The following ANKRD33B variants were observed in gnomAD, a reference collection of about 807,000 sequenced individuals.
The protein encoded by ANKRD33B is ankyrin repeat domain-containing protein 33B.
ANKRD33B carries 6 observed loss-of-function variants against 21.5 expected under a neutral mutation model. The observed-to-expected ratio is 0.28, with a 90% CI of 0.15 to 0.55. The LOEUF (loss-of-function observed/expected upper bound fraction) is 0.55, where lower values mean the gene tolerates loss of function less well. Ranked by LOEUF, ANKRD33B falls within the 20% of genes least tolerant of loss-of-function variation. The probability of loss-of-function intolerance (pLI) is 0.94; values close to 1 mark genes in which losing one functional copy is unlikely to be tolerated. For synonymous variants in ANKRD33B, 347 were observed against 342.4 expected (o/e 1.01, Z -0.15); for missense variants, 698 against 747.2 (o/e 0.93, Z 0.77).
intron 2 of ANKRD33B, among the ~76,000 whole-genome samples, chr5:10,622,359 T>G (rs972428215): frequency 2.0e-5 from 3 of 152,174 alleles, no homozygotes; most frequent in African/African-American, 7.2e-5. Flanking sequence ...AATCAGAAAT[T>G]AGAATACCAC....
rs1015803902 is a variant in ANKRD33B at position 10,564,719 on chromosome 5, G to A, written c.252G>A (p.Pro84=). ...SVPEGVPESV[P]ETATLLRAAC... is the part of the protein sequence containing the mutation. ...CGGAGGGCGTCCCGGAAAGCGTCCC[G>A]GAGACGGCGACCCTCCTGCGCGCCG... The change falls in exon 1 of 4, where the codon CCG becomes CCA. Residue 84 remains proline (P), a synonymous_variant. Transcript: ENST00000296657. The A allele has an allele frequency of 3.5e-5, 53 of 1,533,472 alleles. No homozygotes were observed. Among genetic ancestry groups the A allele is most frequent in the Non-Finnish European group, 4.5e-5 (52 of 1,145,868 alleles). 95.0% of individuals were successfully genotyped at this position (1,533,472 alleles called of 1,614,324 possible). A position where few individuals can be genotyped will look rare whatever the true frequency, so the allele number is the denominator to read the frequency against.
At chr5:10,582,939 C>T (rs953666975) in intron 1 of ANKRD33B, among the ~76,000 whole-genome samples, 1 of 151,300 alleles carries the variant, frequency 6.6e-6, no homozygotes, top group African/African-American at 2.4e-5. Flanking sequence ...AGTTTCTGCC[C>T]TGTGCAGTCC....
rs534346331 is a variant in ANKRD33B at position 10,643,996 on chromosome 5, G to A, written c.638-5270G>A. Among the ~76,000 whole-genome samples, 150 of 130,324 alleles carry A rather than the reference G, an allele frequency of 1.2e-3. 1 individual carries two copies. The highest frequency in any genetic ancestry group is 4.2e-3 in the African/African-American group (142 of 34,124). The allele number at this position is 130,324 out of a possible 152,430, so 85.5% of individuals were successfully genotyped here. On this transcript the variant is annotated intron_variant, in intron 3 of 3. Coordinates refer to ENST00000296657, the MANE Select transcript of ANKRD33B (RefSeq NM_001164440.2). ...TTTTATTTTCCTTTGACAGTAGATG[G>A]GTAAGAATTAAAAAAAAAAAAAAAA... is the stretch of plus-strand genomic sequence containing the variant.
At chr5:10,591,857 C>G (rs1250142518) in intron 1 of ANKRD33B, among the ~76,000 whole-genome samples, 1 of 151,814 alleles carries the variant, frequency 6.6e-6, no homozygotes, top group Non-Finnish European at 1.5e-5. Context: ...ATTGCTTTTT[C>G]ATTTTTCTTT....
chr5:10,619,381 A>G lies in ANKRD33B; in HGVS notation c.496+919A>G, dbSNP rs1736362851. 1 of 985,270 alleles carries G rather than the reference A, an allele frequency of 1.0e-6. No individual in the cohort carries two copies. The highest frequency in any genetic ancestry group is 1.7e-5 in the African/African-American group (1 of 57,232). 61.0% of individuals were successfully genotyped at this position (985,270 alleles called of 1,614,324 possible). A position where few individuals can be genotyped will look rare whatever the true frequency, so the allele number is the denominator to read the frequency against. ...GAGGAAGTGCCCCCGACCACACTGTATGTTGATTCTGGTTGGGAAATGGCT... is the reference window on the plus strand; with the variant it reads ...GAGGAAGTGCCCCCGACCACACTGTGTGTTGATTCTGGTTGGGAAATGGCT... On this transcript the variant is annotated intron_variant, in intron 2 of 3. Coordinates refer to ENST00000296657, the MANE Select transcript of ANKRD33B (RefSeq NM_001164440.2). The surrounding 1 kb of genome is among the most constrained non-coding windows in gnomAD (Gnocchi z 4.5).
chr5:10,633,474 A>G (rs1415297669), intron 2 of ANKRD33B, among the ~76,000 whole-genome samples: 2 of 152,260 alleles, frequency 1.3e-5, no homozygotes, highest in Non-Finnish European at 1.5e-5. Context: ...AACACTGTAC[A>G]GAGAATGCCT....
intron 1 of ANKRD33B, among the ~76,000 whole-genome samples, chr5:10,604,838 G>A (rs1318150131): frequency 6.6e-6 from 1 of 152,138 alleles, no homozygotes; most frequent in African/African-American, 2.4e-5. Context: ...CTTATGACTT[G>A]TTGATGTTTG....
chr5:10,566,606 T>C (rs147723880), intron 1 of ANKRD33B, among the ~76,000 whole-genome samples: 161 of 152,314 alleles, frequency 1.1e-3, no homozygotes, highest in African/African-American at 3.8e-3. Flanking sequence ...CTTTATATAA[T>C]GTTTCCTTTA....
chr5:10,572,264 C>T (rs1472693648), intron 1 of ANKRD33B, among the ~76,000 whole-genome samples: 2 of 152,172 alleles, frequency 1.3e-5, no homozygotes, highest in Non-Finnish European at 2.9e-5. Flanking sequence ...GGTGCAGACT[C>T]TTGAACTCAA....
At chr5:10,641,500 A>T (rs560228609) in intron 3 of ANKRD33B, among the ~76,000 whole-genome samples, 1 of 151,962 alleles carries the variant, frequency 6.6e-6, no homozygotes, top group East Asian at 1.9e-4. Context: ...AAGTTCTGGG[A>T]TTATAGGTGT....
At chr5:10,569,134 T>A (rs1203518463) in intron 1 of ANKRD33B, among the ~76,000 whole-genome samples, 1 of 152,208 alleles carries the variant, frequency 6.6e-6, no homozygotes, top group Non-Finnish European at 1.5e-5. Flanking sequence ...GCAACAGCCC[T>A]CCGTCTTTAC....
chr5:10,596,525 T>C (rs913657508), intron 1 of ANKRD33B, among the ~76,000 whole-genome samples: 21 of 152,220 alleles, frequency 1.4e-4, no homozygotes, highest in African/African-American at 5.1e-4. Context: ...CTGCATAGTA[T>C]TCCATGGTAT....
intron 1 of ANKRD33B, among the ~76,000 whole-genome samples, chr5:10,601,237 A>G (rs954102912): frequency 6.6e-6 from 1 of 152,178 alleles, no homozygotes; most frequent in African/African-American, 2.4e-5. Flanking sequence ...GTTAGCAGGA[A>G]AATCTGATCA....
chr5:10,602,814 C>T (rs1735960607), intron 1 of ANKRD33B, among the ~76,000 whole-genome samples: 4 of 131,052 alleles, frequency 3.1e-5, no homozygotes, highest in Non-Finnish European at 6.9e-5. Context: ...GATTGCTTGT[C>T]ATTTTTTTTT....
rs56010606 is a variant in ANKRD33B, at chr5:10,653,988, C to T, written c.*3875C>T. The T allele has an allele frequency of 0.23, 35,423 of 152,522 alleles. 4,621 individuals are homozygous for T. Among genetic ancestry groups the T allele is most frequent in the Non-Finnish European group, 0.31 (21,001 of 68,162 alleles). The allele number at this position is 152,522 out of a possible 1,614,324, so 9.4% of individuals were successfully genotyped here. ...CTTTGCCACCACGTTCTCCTGCCCCCGTCACCTTGTCTCTTCTAACTCATT... is the reference window on the plus strand; with the variant it reads ...CTTTGCCACCACGTTCTCCTGCCCCTGTCACCTTGTCTCTTCTAACTCATT... On this transcript the variant is annotated 3_prime_UTR_variant, in exon 4 of 4. Transcript: ENST00000296657.
chr5:10,654,184 A>C lies in ANKRD33B; in HGVS notation c.*4071A>C, dbSNP rs1737427083. On this transcript the variant is annotated 3_prime_UTR_variant, in exon 4 of 4. Coordinates refer to ENST00000296657, the MANE Select transcript of ANKRD33B (RefSeq NM_001164440.2). Reference sequence around the variant, plus strand: ...GACCTCCTAGACCCCAGAGTGAATGAATGGCAGGCCTGCCAGTGACTGTGC... The same window carrying C: ...GACCTCCTAGACCCCAGAGTGAATGCATGGCAGGCCTGCCAGTGACTGTGC... 1 of 152,386 alleles carries C rather than the reference A, an allele frequency of 6.6e-6. No homozygotes were observed. The highest frequency in any genetic ancestry group is 2.1e-4 in the South Asian group (1 of 4,826). 9.4% of individuals were successfully genotyped at this position (152,386 alleles called of 1,614,324 possible). A position where few individuals can be genotyped will look rare whatever the true frequency, so the allele number is the denominator to read the frequency against.
At chr5:10,605,137 T>A (rs1379992022) in intron 1 of ANKRD33B, among the ~76,000 whole-genome samples, 1 of 152,200 alleles carries the variant, frequency 6.6e-6, no homozygotes, top group Non-Finnish European at 1.5e-5. Context: ...GGTCTCTCCA[T>A]AGAGCTGCTT....
intron 2 of ANKRD33B, among the ~76,000 whole-genome samples, chr5:10,622,279 G>A (rs2126585723): frequency 1.3e-5 from 2 of 152,290 alleles, no homozygotes; most frequent in East Asian, 3.9e-4. Context: ...GCACTTCCCT[G>A]GAGGGAAAAG....
chr5:10,646,650 A>G (rs999327663), intron 3 of ANKRD33B, among the ~76,000 whole-genome samples: 1 of 152,236 alleles, frequency 6.6e-6, no homozygotes, highest in Admixed American at 6.5e-5. Flanking sequence ...TTTTTAAGTG[A>G]CATGCAATTA....
Sources: allele counts gnomAD v4.1 joint callset (sites outside exome capture counted in the v4.1 genomes callset), GRCh38; gene constraint gnomAD v4.1.1; non-coding constraint Gnocchi (gnomAD v3.1); transcripts MANE v1.5; gene names NCBI Gene and HGNC (gene_info 2026-07-23, HGNC 2026-07-21).